The following DRC11 variants were observed in gnomAD, a reference collection of about 807,000 sequenced individuals.
The protein encoded by DRC11 is dynein regulatory complex subunit 11, also known as IQ and AAA domain-containing protein 1.
chr2:236,491,044 CAG>C, the DRC11 span, among the ~76,000 whole-genome samples: 2 of 126,284 alleles, frequency 1.6e-5, no homozygotes, highest in African/African-American at 6.7e-5. Flanking sequence ...TATATATATA[CAG>C]TATATATATA....
the DRC11 span, among the ~76,000 whole-genome samples, chr2:236,451,612 T>A: frequency 6.6e-6 from 1 of 152,162 alleles, no homozygotes; most frequent in Admixed American, 6.5e-5. Context: ...CTTTTATGTA[T>A]GAACTTAAAA....
chr2:236,497,143 G>T, the DRC11 span: 1 of 1,570,538 alleles, frequency 6.4e-7, no homozygotes, highest in South Asian at 1.2e-5. This position sits in a 1 kb window ranked among gnomAD's most constrained non-coding sequence, Gnocchi z 5.1. Context: ...CAACTAATAA[G>T]AAAACAACAG....
chr2:236,325,132 C>T, the DRC11 span, among the ~76,000 whole-genome samples: 1 of 152,074 alleles, frequency 6.6e-6, no homozygotes, highest in Non-Finnish European at 1.5e-5. This position sits in a 1 kb window ranked among gnomAD's most constrained non-coding sequence, Gnocchi z 4.4. Flanking sequence ...TCATATGTGG[C>T]CATGTTCAGT....
the DRC11 span, chr2:236,488,014 G>A: frequency 7.5e-6 from 12 of 1,592,444 alleles, no homozygotes; most frequent in Admixed American, 1.8e-4. Flanking sequence ...TGAATGCGGA[G>A]TGCAGCAGCC....
At chr2:236,368,248 G>T in the DRC11 span, 1 of 1,610,844 alleles carries the variant, frequency 6.2e-7, no homozygotes. Flanking sequence ...AGGAGGGAGG[G>T]CATGGGTTCT....
chr2:236,462,128 G>C, the DRC11 span, among the ~76,000 whole-genome samples: 9 of 152,090 alleles, frequency 5.9e-5, no homozygotes, highest in Non-Finnish European at 8.8e-5. This position sits in a 1 kb window ranked among gnomAD's most constrained non-coding sequence, Gnocchi z 6.4. Context: ...TTCCCACCTG[G>C]GCAGCATGGT....
the DRC11 span, among the ~76,000 whole-genome samples, chr2:236,456,349 T>C: frequency 3.9e-5 from 6 of 152,272 alleles, no homozygotes; most frequent in South Asian, 2.1e-4. The surrounding 1 kb of genome is among the most constrained non-coding windows in gnomAD (Gnocchi z 5.4). Context: ...CCGCAAGTGA[T>C]AGAGCCGGGA....
At chr2:236,483,998 C>T in the DRC11 span, among the ~76,000 whole-genome samples, 1 of 152,056 alleles carries the variant, frequency 6.6e-6, no homozygotes, top group Non-Finnish European at 1.5e-5. The surrounding 1 kb of genome is among the most constrained non-coding windows in gnomAD (Gnocchi z 4.8). Flanking sequence ...TAGTGGTGAC[C>T]ACTTTATTTA....
the DRC11 span, among the ~76,000 whole-genome samples, chr2:236,356,024 A>AG: frequency 1.3e-5 from 2 of 152,052 alleles, no homozygotes; most frequent in Non-Finnish European, 2.9e-5. Flanking sequence ...AAGAGCATCG[A>AG]GGGTCCCTTT....
the DRC11 span, among the ~76,000 whole-genome samples, chr2:236,314,106 G>T: frequency 6.6e-6 from 1 of 152,168 alleles, no homozygotes; most frequent in Admixed American, 6.5e-5. The surrounding 1 kb of genome is among the most constrained non-coding windows in gnomAD (Gnocchi z 4.5). Context: ...TTGGTATGTT[G>T]TATCAGTGAT....
chr2:236,497,066 G>C, the DRC11 span: 1 of 963,206 alleles, frequency 1.0e-6, no homozygotes. The surrounding 1 kb of genome is among the most constrained non-coding windows in gnomAD (Gnocchi z 5.1). Flanking sequence ...TAGTAAACAC[G>C]GACAGGAAGT....
At chr2:236,442,173 C>T in the DRC11 span, among the ~76,000 whole-genome samples, 1 of 151,952 alleles carries the variant, frequency 6.6e-6, no homozygotes, top group Non-Finnish European at 1.5e-5. Flanking sequence ...ATAAAGTAAG[C>T]TCATTATATG....
chr2:236,309,127 C>A, the DRC11 span, among the ~76,000 whole-genome samples: 2 of 152,164 alleles, frequency 1.3e-5, no homozygotes, highest in Non-Finnish European at 2.9e-5. This position sits in a 1 kb window ranked among gnomAD's most constrained non-coding sequence, Gnocchi z 5.7. Flanking sequence ...CTGCGCTGTG[C>A]GTTTCCTATA....
the DRC11 span, among the ~76,000 whole-genome samples, chr2:236,315,533 A>G: frequency 6.6e-6 from 1 of 152,214 alleles, no homozygotes; most frequent in East Asian, 1.9e-4. This position sits in a 1 kb window ranked among gnomAD's most constrained non-coding sequence, Gnocchi z 5.1. Context: ...AAATCATTCT[A>G]TTATAAAGAT....
chr2:236,379,247 AAGCG>A, the DRC11 span, among the ~76,000 whole-genome samples: 2 of 150,132 alleles, frequency 1.3e-5, no homozygotes, highest in African/African-American at 4.9e-5. Context: ...GGACTAAGGG[AAGCG>A]GAGGGAACCC....
chr2:236,332,748 G>C, the DRC11 span: 1 of 152,216 alleles, frequency 6.6e-6, no homozygotes, highest in Non-Finnish European at 1.5e-5. This position sits in a 1 kb window ranked among gnomAD's most constrained non-coding sequence, Gnocchi z 5.1. Flanking sequence ...CCAAGCTGGA[G>C]AATCTGGCTT....
At chr2:236,498,809 G>A in the DRC11 span, among the ~76,000 whole-genome samples, 2 of 152,118 alleles carry the variant, frequency 1.3e-5, no homozygotes, top group African/African-American at 4.8e-5. Flanking sequence ...TCCTGCCAGA[G>A]CCAATACCTT....
chr2:236,358,338 TATAG>T, the DRC11 span, among the ~76,000 whole-genome samples: 42 of 134,064 alleles, frequency 3.1e-4, no homozygotes, highest in Non-Finnish European at 3.5e-4. Flanking sequence ...ATATATGATA[TATAG>T]ATATATACTA....
the DRC11 span, among the ~76,000 whole-genome samples, chr2:236,464,093 A>T: frequency 6.6e-6 from 1 of 152,220 alleles, no homozygotes; most frequent in Non-Finnish European, 1.5e-5. Context: ...CAAATGAGAG[A>T]GCAGGAAAGG....
Sources: allele counts gnomAD v4.1 joint callset (sites outside exome capture counted in the v4.1 genomes callset), GRCh38; gene constraint gnomAD v4.1.1; non-coding constraint Gnocchi (gnomAD v3.1); transcripts MANE v1.5; gene names NCBI Gene and HGNC (gene_info 2026-07-23, HGNC 2026-07-21).